The following MRPL18 variants were observed in gnomAD, a reference collection of about 807,000 sequenced individuals.
MRPL18 encodes the protein large ribosomal subunit protein uL18m.
A neutral mutation model predicts 20.9 loss-of-function variants in MRPL18; 16 were observed. The ratio of observed to expected loss-of-function variants is 0.76; its 90% CI spans 0.52 to 1.16. The LOEUF is 1.16. Ranked by LOEUF, MRPL18 falls within the 50% of genes most tolerant of loss-of-function variation. MRPL18 has a pLI of 0.00. For missense variants in MRPL18, 233 were observed against 230.6 expected (o/e 1.01, Z -0.07); for synonymous variants, 91 against 87.1 (o/e 1.04, Z -0.25).
intron 2 of MRPL18, among the ~76,000 whole-genome samples, chr6:159,792,229 C>A (rs1358858237): frequency 2.6e-5 from 4 of 152,124 alleles, no homozygotes; most frequent in Non-Finnish European, 4.4e-5. Flanking sequence ...TACCACTATA[C>A]TACAGCATGT....
intron 2 of MRPL18, among the ~76,000 whole-genome samples, chr6:159,792,083 A>G (rs748667207): frequency 3.0e-4 from 46 of 152,242 alleles, no homozygotes; most frequent in Admixed American, 5.2e-4. Flanking sequence ...CCTTAAAATT[A>G]CATCATGAAG....
upstream of MRPL18, chr6:159,790,456 C>T (rs1166226352): frequency 8.5e-7 from 1 of 1,181,384 alleles, no homozygotes; most frequent in Admixed American, 2.0e-5. Flanking sequence ...GGGTCGGTGG[C>T]GTCTGGCGTG....
chr6:159,790,726 C>T lies in MRPL18; in HGVS notation c.52+87C>T, dbSNP rs547818619. On this transcript the variant is annotated intron_variant, in intron 1 of 3. Coordinates refer to ENST00000367034, the MANE Select transcript of MRPL18 (RefSeq NM_014161.5). ...CGTGCGGGTTCTATTTTGTATTCGA[C>T]GTGCCGGATCGAAATAGAGCTCGCG... 94 of 1,552,282 alleles carry T rather than the reference C, an allele frequency of 6.1e-5. 1 individual carries two copies. In the African/African-American group the frequency reaches 1.0e-3, roughly 17 times the overall value.
intron 2 of MRPL18, among the ~76,000 whole-genome samples, chr6:159,795,284 G>T (rs185511207): frequency 0.026 from 3,971 of 152,306 alleles, 72 homozygotes; most frequent in South Asian, 0.044. Context: ...CCCTTTACGG[G>T]TGTCAGGCTG....
rs547558809 is a variant in MRPL18, at chr6:159,790,804, C to A, written c.53-136C>A. 1.0e-4 allele frequency: 138 copies of A among 1,366,184 alleles called. No individual in the cohort carries two copies. The South Asian group carries it at 1.8e-3, about 18-fold the overall frequency. 84.6% of individuals were successfully genotyped at this position (1,366,184 alleles called of 1,614,324 possible). Reference sequence around the variant, plus strand: ...AAGGACGGGGTCAGTGCTGACTCCACCCTGTGGGCATACGTATTTTTCGTC... The same window carrying A: ...AAGGACGGGGTCAGTGCTGACTCCAACCTGTGGGCATACGTATTTTTCGTC... On this transcript the variant is annotated intron_variant, in intron 1 of 3. Transcript: ENST00000367034.
intron 2 of MRPL18, among the ~76,000 whole-genome samples, chr6:159,793,635 C>T (rs537020593): frequency 7.9e-5 from 12 of 152,188 alleles, no homozygotes; most frequent in African/African-American, 1.9e-4. Flanking sequence ...TTTGGCCGGG[C>T]GCGGTGGCTC....
At position 159,797,379 on chromosome 6, in the gene MRPL18, C is replaced by G. The variant is rs202001473; in HGVS notation, c.332C>G (p.Ala111Gly). ...GTTTCGGCCTCCACTCGTGAGTGGG[C>G]TATTAAAAAGCACCTTTATAGTACC... is the stretch of plus-strand genomic sequence containing the variant. ...VVVSASTREW[A>G]IKKHLYSTRN... Residue 111 changes from alanine (A) to glycine (G), a missense_variant, in exon 3 of 4, where the codon GCT (alanine) becomes GGT (glycine). Transcript: ENST00000367034. 1.4e-5 allele frequency: 22 copies of G among 1,614,106 alleles called. No homozygotes were observed. The East Asian group carries it at 4.9e-4, about 36-fold the overall frequency.
At position 159,798,269 on chromosome 6, in the gene MRPL18, C is replaced by T; in HGVS notation, c.*146C>T. On this transcript the variant is annotated 3_prime_UTR_variant, in exon 4 of 4. Coordinates refer to ENST00000367034, the MANE Select transcript of MRPL18 (RefSeq NM_014161.5). ...AATATTATTTGTAGTTAAGGTCATC[C>T]TCCTCCCCTTTCTGTTTTTTTAAAT... is the stretch of plus-strand genomic sequence containing the variant. 1.7e-6 allele frequency: 1 copy of T among 578,844 alleles called. No homozygotes were observed. Among genetic ancestry groups the T allele is most frequent in the Non-Finnish European group, 2.9e-6 (1 of 341,816 alleles). 35.9% of individuals were successfully genotyped at this position (578,844 alleles called of 1,614,324 possible).
At chr6:159,790,869 C>A in intron 1 of MRPL18, 71 bp from the exon 2 acceptor site, 1 of 1,564,980 alleles carries the variant, frequency 6.4e-7, no homozygotes, top group Non-Finnish European at 8.7e-7. Context: ...AGCGGATAGA[C>A]GTTAGAGCGG....
Position 159,798,077 on chromosome 6 carries a change from CAGA to C in MRPL18, c.500_502del (p.Glu167del). 6.2e-7 allele frequency: 1 copy of C among 1,613,756 alleles called. No individual in the cohort carries two copies. Among genetic ancestry groups the C allele is most frequent in the Non-Finnish European group, 8.5e-7 (1 of 1,179,862 alleles). On this transcript the variant is annotated inframe_deletion, in exon 4 of 4. Transcript: ENST00000367034. ...ATGAAACGACTACAAAGTGCCATGA[CAGA>C]AGGTGGTGTGGTTCTACGGGAACCT...
chr6:159,790,704 G>A, intron 1 of MRPL18, 65 bp downstream of exon 1: 1 of 1,588,152 alleles, frequency 6.3e-7, no homozygotes, highest in Non-Finnish European at 8.6e-7. Context: ...ATTGGAACGT[G>A]CGGGTTCTAT....
In MRPL18 at chr6:159,798,094, C is replaced by G; in HGVS notation, c.514C>G (p.Leu172Val). 1.2e-6 allele frequency: 2 copies of G among 1,613,564 alleles called. No individual in the cohort carries two copies. The highest frequency in any genetic ancestry group is 4.5e-5 in the East Asian group (2 of 44,850). Residue 172 changes from leucine (L) to valine (V), a missense_variant, in exon 4 of 4, where the codon CTA becomes GTA. Leu to Val is a conservative substitution (Grantham distance 32). Coordinates refer to ENST00000367034, the MANE Select transcript of MRPL18 (RefSeq NM_014161.5). ...TGCCATGACAGAAGGTGGTGTGGTTCTACGGGAACCTCAGAGAATCTATGA... is the reference window on the plus strand; with the variant it reads ...TGCCATGACAGAAGGTGGTGTGGTTGTACGGGAACCTCAGAGAATCTATGA... ...QSAMTEGGVV[L>V]REPQRIYE
At chr6:159,791,959 C>T (rs377340458) in intron 2 of MRPL18, among the ~76,000 whole-genome samples, 2 of 152,082 alleles carry the variant, frequency 1.3e-5, no homozygotes, top group East Asian at 1.9e-4. Context: ...GAAGAAAGAC[C>T]AGTTAGGAGT....
chr6:159,794,040 G>C (rs1378504787), intron 2 of MRPL18, among the ~76,000 whole-genome samples: 2 of 152,110 alleles, frequency 1.3e-5, no homozygotes, highest in Non-Finnish European at 2.9e-5. Flanking sequence ...TAATGATTTG[G>C]GTGTGTTTTC....
At chr6:159,797,913 T>A in intron 3 of MRPL18, 139 bp from the exon 4 acceptor site, 1 of 687,618 alleles carries the variant, frequency 1.5e-6, no homozygotes, top group Non-Finnish European at 2.4e-6. Flanking sequence ...TTAAGATCAC[T>A]TTCTGAAAAA....
At chr6:159,792,247 T>A (rs1440596915) in intron 2 of MRPL18, among the ~76,000 whole-genome samples, 1 of 152,188 alleles carries the variant, frequency 6.6e-6, no homozygotes, top group Admixed American at 6.5e-5. Context: ...TGTAAGTGTT[T>A]ATCAGGTTTA....
At chr6:159,792,394 G>A (rs1443480329) in intron 2 of MRPL18, among the ~76,000 whole-genome samples, 1 of 152,154 alleles carries the variant, frequency 6.6e-6, no homozygotes, top group Non-Finnish European at 1.5e-5. Flanking sequence ...CATCATACCT[G>A]TATCACTTGC....
At position 159,797,324 on chromosome 6, in the gene MRPL18, C is replaced by G; in HGVS notation, c.277C>G (p.Leu93Val). The change falls in exon 3 of 4, where the codon CTT becomes GTT. Residue 93 changes from leucine (L) to valine (V), a missense_variant. Physicochemically the swap from Leu to Val is conservative, Grantham distance 32. Coordinates refer to ENST00000367034, the MANE Select transcript of MRPL18 (RefSeq NM_014161.5). ...VIRTQHHVEA[L>V]VEHQNGKVVV... ...AAGGACTCAGCATCATGTAGAAGCA[C>G]TTGTGGAGCATCAGAATGGCAAGGT... 6.2e-7 allele frequency: 1 copy of G among 1,614,188 alleles called. No homozygotes were observed.
chr6:159,796,282 C>T (rs1210395188), intron 2 of MRPL18, among the ~76,000 whole-genome samples: 2 of 151,534 alleles, frequency 1.3e-5, no homozygotes, highest in East Asian at 1.9e-4. Flanking sequence ...GAGTTTGAGA[C>T]GAGCCTGGGC....
Sources: gnomAD v4.1 joint callset for allele counts (sites outside exome capture counted in the v4.1 genomes callset) on GRCh38, gnomAD v4.1.1 for gene constraint, MANE v1.5 for transcripts, NCBI Gene and HGNC (gene_info 2026-07-23, HGNC 2026-07-21) for gene names.